Variants in DDC observed in about 807,000 individuals in gnomAD.
DDC encodes the protein dopa decarboxylase, also known as aromatic-L-amino-acid decarboxylase.
Under a neutral mutation model 60.0 loss-of-function variants are expected in DDC, and 43 were observed. That is an observed-to-expected ratio of 0.72 (90% confidence interval 0.56 to 0.92). The LOEUF is 0.92. Among genes scored for constraint, DDC ranks in the 40% least tolerant of loss-of-function variants. The pLI, the probability that DDC is intolerant of heterozygous loss-of-function variation, is 0.00. For synonymous variants in DDC, 232 were observed against 234.6 expected (o/e 0.99, Z 0.10); for missense variants, 573 against 620.2 (o/e 0.92, Z 0.81).
intron 6 of DDC, among the ~76,000 whole-genome samples, chr7:50,517,554 T>C (rs2043766468): frequency 6.6e-6 from 1 of 152,092 alleles, no homozygotes; most frequent in African/African-American, 2.4e-5. Context: ...CTTTACAACA[T>C]AGTACTGGAA....
chr7:50,526,882 T>G (rs1247511499), intron 6 of DDC, among the ~76,000 whole-genome samples: 1 of 152,198 alleles, frequency 6.6e-6, no homozygotes, highest in Non-Finnish European at 1.5e-5. Flanking sequence ...AAAGGGCATC[T>G]CCTAGTGATA....
chr7:50,473,894 C>T (rs114270459), intron 11 of DDC, among the ~76,000 whole-genome samples: 338 of 152,336 alleles, frequency 2.2e-3, no homozygotes, highest in African/African-American at 7.6e-3. Context: ...TCAGGGCCTG[C>T]GTGGTCTGCG....
intron 6 of DDC, among the ~76,000 whole-genome samples, chr7:50,521,545 T>A (rs2043890086): frequency 6.6e-6 from 1 of 151,946 alleles, no homozygotes; most frequent in African/African-American, 2.4e-5. Flanking sequence ...TCCAACAATG[T>A]AAAAAAAATT....
intron 6 of DDC, among the ~76,000 whole-genome samples, chr7:50,505,391 C>T (rs185201099): frequency 7.4e-4 from 113 of 152,284 alleles, no homozygotes; most frequent in Non-Finnish European, 1.6e-3. Context: ...TTTGCAGATG[C>T]GACAAGAGTG....
intron 4 of DDC, among the ~76,000 whole-genome samples, chr7:50,537,037 G>GTTTTTTT (rs10574868): frequency 1.1e-4 from 15 of 140,378 alleles, no homozygotes; most frequent in Non-Finnish European, 1.1e-4. Context: ...CTAGGAAGTT[G>GTTTTTTT]TTTTTTTTTT....
At chr7:50,562,046 GCA>G (rs536892046) in intron 1 of DDC, among the ~76,000 whole-genome samples, 113 of 152,268 alleles carry the variant, frequency 7.4e-4, no homozygotes, top group Non-Finnish European at 1.3e-3. Flanking sequence ...AGGGCTTGTG[GCA>G]CAGTCCAGAG....
At chr7:50,550,565 A>T (rs1449579127) in intron 1 of DDC, among the ~76,000 whole-genome samples, 1 of 152,196 alleles carries the variant, frequency 6.6e-6, no homozygotes, top group Non-Finnish European at 1.5e-5. Context: ...TCCTTATGAC[A>T]TGTGGCCAAG....
At chr7:50,551,157 C>T (rs1390580047) in intron 1 of DDC, among the ~76,000 whole-genome samples, 1 of 151,684 alleles carries the variant, frequency 6.6e-6, no homozygotes, top group East Asian at 1.9e-4. Flanking sequence ...TATAAGAATG[C>T]TCATTTTACC....
intron 13 of DDC, 50 bp downstream of exon 13, chr7:50,467,164 C>T (rs762003855): frequency 6.8e-7 from 1 of 1,468,072 alleles, no homozygotes; most frequent in Non-Finnish European, 9.5e-7. Flanking sequence ...CAACACTTTC[C>T]CCTCTGTCAC....
At chr7:50,520,174 G>A (rs2043853283) in intron 6 of DDC, among the ~76,000 whole-genome samples, 1 of 152,080 alleles carries the variant, frequency 6.6e-6, no homozygotes, top group South Asian at 2.1e-4. Flanking sequence ...TCAATTAACT[G>A]GATCAAATCA....
In DDC at chr7:50,477,540, C is replaced by T. The variant is rs138291843; in HGVS notation, c.1022-897G>A. The T allele has an allele frequency of 1.7e-3, 775 of 456,864 alleles. 2 individuals are homozygous for T. The highest frequency in any genetic ancestry group is 3.0e-3 in the Non-Finnish European group (671 of 227,098). The allele number at this position is 456,864 out of a possible 1,614,324, so 28.3% of individuals were successfully genotyped here. ...CAAGCTGTCCACCTAATACAACCCA[C>T]GCCCCACCCTGCACTTCATCCACTG... On this transcript the variant is annotated intron_variant, in intron 10 of 14. Transcript: ENST00000444124.
At chr7:50,538,092 A>C in intron 3 of DDC, 113 bp from the exon 4 acceptor site, 1 of 1,308,246 alleles carries the variant, frequency 7.6e-7, no homozygotes, top group Non-Finnish European at 1.1e-6. Context: ...AAATCACCCA[A>C]TCTCAGATGT....
In DDC at chr7:50,484,655, G is replaced by GCA. The variant is rs374549015; in HGVS notation, c.945-4794_945-4793dup. 5.9e-3 allele frequency among the ~76,000 whole-genome samples: 897 copies of GCA among 151,814 alleles called. 10 individuals are homozygous for GCA. The highest frequency in any genetic ancestry group is 0.021 in the African/African-American group (862 of 41,378). On this transcript the variant is annotated intron_variant, in intron 9 of 14. Coordinates refer to ENST00000444124, the MANE Select transcript of DDC (RefSeq NM_001082971.2). ...TATGTGTACTTGAGGACATACATGG[G>GCA]CACACACACACACAGAGAAACATGC...
At chr7:50,497,271 C>T (rs2043147016) in intron 8 of DDC, among the ~76,000 whole-genome samples, 1 of 152,204 alleles carries the variant, frequency 6.6e-6, no homozygotes, top group South Asian at 2.1e-4. Context: ...CATTGTACAG[C>T]ATGAAATCCT....
At position 50,517,842 on chromosome 7, in the gene DDC, A is replaced by AC. The variant is rs1207053020; in HGVS notation, c.714+10294_714+10295insG. Among the ~76,000 whole-genome samples the AC allele has an allele frequency of 1.6e-3, 245 of 151,740 alleles. 2 individuals carry two copies. Among genetic ancestry groups the AC allele is most frequent in the African/African-American group, 5.6e-3 (231 of 41,416 alleles). Reference sequence around the variant, plus strand: ...ATAATAGCTAAAAAAAAAAAAAAAAAAAAACCTTAGGAATATACCTAACCA... The same window carrying AC: ...ATAATAGCTAAAAAAAAAAAAAAAAACAAAACCTTAGGAATATACCTAACCA... On this transcript the variant is annotated intron_variant, in intron 6 of 14. Coordinates refer to ENST00000444124, the MANE Select transcript of DDC (RefSeq NM_001082971.2).
At chr7:50,527,553 G>C (rs558932888) in intron 6 of DDC, 5 of 152,674 alleles carry the variant, frequency 3.3e-5, no homozygotes, top group African/African-American at 7.2e-5. Flanking sequence ...TCGAGCTTCT[G>C]TTCAGTGCCA....
At chr7:50,528,052 A>T in intron 6 of DDC, 85 bp downstream of exon 6, 1 of 1,501,974 alleles carries the variant, frequency 6.7e-7, no homozygotes, top group Non-Finnish European at 9.1e-7. Context: ...ATGCGCCACC[A>T]TGCCCGGCTA....
At chr7:50,471,632 G>A (rs999287335) in intron 11 of DDC, among the ~76,000 whole-genome samples, 5 of 152,106 alleles carry the variant, frequency 3.3e-5, no homozygotes, top group South Asian at 4.1e-4. Context: ...ACAAGGGTTC[G>A]GATCCCCACT....
At chr7:50,464,624 G>A (rs73695682) in intron 13 of DDC, among the ~76,000 whole-genome samples, 9,782 of 152,232 alleles carry the variant, frequency 0.064, 784 homozygotes, top group African/African-American at 0.19. Context: ...CAAACAGACT[G>A]GATAGGGCAG....
Sources: allele counts gnomAD v4.1 joint callset (sites outside exome capture counted in the v4.1 genomes callset), GRCh38; gene constraint gnomAD v4.1.1; transcripts MANE v1.5; gene names NCBI Gene and HGNC (gene_info 2026-07-23, HGNC 2026-07-21).